Variants in PCDHA6 observed in about 807,000 individuals in gnomAD.
PCDHA6 encodes protocadherin alpha-6.
A neutral mutation model predicts 60.3 loss-of-function variants in PCDHA6; 55 were observed. The observed-to-expected ratio is 0.91, with a 90% CI of 0.73 to 1.14. The LOEUF (loss-of-function observed/expected upper bound fraction) is 1.14, where lower values mean the gene tolerates loss of function less well. Ranked by LOEUF, PCDHA6 falls within the 50% of genes most tolerant of loss-of-function variation. PCDHA6 has a pLI of 0.00. For synonymous variants in PCDHA6, 652 were observed against 557.9 expected, an observed-to-expected ratio of 1.17 and a Z score of -2.38; for missense variants, 1,327 against 1,256.5, an observed-to-expected ratio of 1.06 and a Z score of -0.85.
At chr5:140,969,152 T>C in intron 1 of PCDHA6, 1 of 1,614,002 alleles carries the variant, frequency 6.2e-7, no homozygotes, top group East Asian at 2.2e-5. Flanking sequence ...CTACAAGGCC[T>C]GTCTGACAGC....
chr5:140,981,744 G>C (rs1586900543), intron 2 of PCDHA6, among the ~76,000 whole-genome samples: 1 of 151,900 alleles, frequency 6.6e-6, no homozygotes, highest in Admixed American at 6.6e-5. Context: ...ATTAATATGA[G>C]TTAGTATTAG....
chr5:140,834,630 A>G (rs2150223003), intron 1 of PCDHA6: 2 of 1,614,158 alleles, frequency 1.2e-6, no homozygotes, highest in Non-Finnish European at 8.5e-7. Context: ...GCAGAATGGC[A>G]TTTTGTTTGT....
intron 1 of PCDHA6, among the ~76,000 whole-genome samples, chr5:140,915,642 C>CTCTG (rs1236956905): frequency 1.3e-5 from 2 of 152,012 alleles, no homozygotes; most frequent in African/African-American, 2.4e-5. Context: ...CTCTCTCTCT[C>CTCTG]TCTCTCTCTC....
At chr5:140,863,021 T>A (rs1228071790) in intron 1 of PCDHA6, 1 of 554,192 alleles carries the variant, frequency 1.8e-6, no homozygotes, top group Non-Finnish European at 3.5e-6. Flanking sequence ...CGCCTGGTTG[T>A]CGCAACAGCT....
chr5:140,966,341 G>T, intron 1 of PCDHA6: 1 of 396,732 alleles, frequency 2.5e-6, no homozygotes, highest in Non-Finnish European at 4.4e-6. Context: ...CAGGTCCAGG[G>T]TGAAGGAGAT....
intron 1 of PCDHA6, among the ~76,000 whole-genome samples, chr5:140,946,349 G>A (rs1412325014): frequency 6.6e-6 from 1 of 151,910 alleles, no homozygotes; most frequent in Non-Finnish European, 1.5e-5. Flanking sequence ...TGGAGAGGAT[G>A]TGGAGAAAAG....
At chr5:140,861,646 T>C in intron 1 of PCDHA6, 1 of 291,698 alleles carries the variant, frequency 3.4e-6, no homozygotes, top group Non-Finnish European at 6.9e-6. Context: ...CAAAAGAATC[T>C]GTTTCTGAAA....
At chr5:140,952,698 C>G (rs1020795237) in intron 1 of PCDHA6, among the ~76,000 whole-genome samples, 4 of 152,182 alleles carry the variant, frequency 2.6e-5, no homozygotes, top group Non-Finnish European at 4.4e-5. Context: ...ATAGCAATAT[C>G]CCACTCTCAG....
rs2150169755 is a variant in PCDHA6, at chr5:140,829,543, G to T, written c.1452G>T (p.Ala484=). The T allele has an allele frequency of 1.2e-6, 2 of 1,612,982 alleles. No individual in the cohort carries two copies. The highest frequency in any genetic ancestry group is 1.3e-5 in the African/African-American group (1 of 75,042). ...CGGTGTCTGCGCGAGACGCGGACGC[G>T]CAGGAGAACGCGCTGGTGTCCTACT... is the stretch of plus-strand genomic sequence containing the variant. ...IFTVSARDAD[A]QENALVSYSL... The change falls in exon 1 of 4, where the codon GCG becomes GCT. Residue 484 remains alanine, a synonymous_variant. Coordinates refer to ENST00000529310, the MANE Select transcript of PCDHA6 (RefSeq NM_018909.4).
intron 1 of PCDHA6, among the ~76,000 whole-genome samples, chr5:140,881,723 A>G (rs2058808704): frequency 6.6e-6 from 1 of 152,172 alleles, no homozygotes; most frequent in South Asian, 2.1e-4. Flanking sequence ...GGAGGTCTTG[A>G]AAAATATTAC....
chr5:140,906,456 G>T (rs527287837), intron 1 of PCDHA6, among the ~76,000 whole-genome samples: 1 of 152,278 alleles, frequency 6.6e-6, no homozygotes, highest in African/African-American at 2.4e-5. Context: ...ATAAAATGAA[G>T]ATATTTTCTT....
intron 1 of PCDHA6, among the ~76,000 whole-genome samples, chr5:140,959,972 AAAG>A (rs1460302752): frequency 2.0e-5 from 3 of 152,328 alleles, no homozygotes; most frequent in South Asian, 4.1e-4. Flanking sequence ...GATGTTACTG[AAAG>A]AAGAAGTTGG....
At position 140,830,205 on chromosome 5, in the gene PCDHA6, G is replaced by C. The variant is rs1770893475; in HGVS notation, c.2114G>C (p.Cys705Ser). The change falls in exon 1 of 4, where the codon TGC (cysteine) becomes TCC (serine). Residue 705 changes from cysteine to serine, a missense_variant. Coordinates refer to ENST00000529310, the MANE Select transcript of PCDHA6 (RefSeq NM_018909.4). Reference sequence around the variant, plus strand: ...AACGTGTACCTGATCATCGCCATCTGCGCGGTATCCAGCCTGCTGGTCCTC... The same window carrying C: ...AACGTGTACCTGATCATCGCCATCTCCGCGGTATCCAGCCTGCTGGTCCTC... ...DVNVYLIIAICAVSSLLVLTL... is the reference protein window; with the variant it reads ...DVNVYLIIAISAVSSLLVLTL... 6.2e-7 allele frequency: 1 copy of C among 1,613,662 alleles called. No homozygotes were observed. Among genetic ancestry groups the C allele is most frequent in the Non-Finnish European group, 8.5e-7 (1 of 1,179,906 alleles).
At chr5:140,843,944 A>G in intron 1 of PCDHA6, 2 of 570,390 alleles carry the variant, frequency 3.5e-6, no homozygotes, top group Non-Finnish European at 6.2e-6. Flanking sequence ...GTTGGATGAT[A>G]TCCATTTTTT....
intron 1 of PCDHA6, chr5:140,852,486 C>A: frequency 4.8e-6 from 1 of 209,724 alleles, no homozygotes; most frequent in Non-Finnish European, 9.1e-6. Flanking sequence ...TCATGTTGGC[C>A]AGGTTGGTCT....
At chr5:140,851,764 C>T (rs1282695804) in intron 1 of PCDHA6, 1 of 969,228 alleles carries the variant, frequency 1.0e-6, no homozygotes, top group Non-Finnish European at 1.2e-6. Context: ...AAAACATTAC[C>T]CTTATGAATT....
chr5:141,004,124 C>T (rs1225012224), intron 3 of PCDHA6, among the ~76,000 whole-genome samples: 1 of 152,202 alleles, frequency 6.6e-6, no homozygotes, highest in Non-Finnish European at 1.5e-5. Context: ...GGAGTATCTC[C>T]ATGATTCTGC....
At chr5:140,897,187 TA>T (rs1554187233) in intron 1 of PCDHA6, among the ~76,000 whole-genome samples, 7 of 152,166 alleles carry the variant, frequency 4.6e-5, no homozygotes, top group Non-Finnish European at 1.0e-4. Context: ...TCAAAAAATA[TA>T]TTTTTTTATT....
In PCDHA6 at chr5:140,830,459, G is replaced by T. The variant is rs1554132838; in HGVS notation, c.2368G>T (p.Asp790Tyr). 6 of 1,580,018 alleles carry T rather than the reference G, an allele frequency of 3.8e-6. No individual in the cohort carries two copies. The highest frequency in any genetic ancestry group is 5.2e-6 in the Non-Finnish European group (6 of 1,160,682). Residue 790 changes from aspartate to tyrosine, a missense_variant, in exon 1 of 4, where the codon GAT becomes TAT. Transcript: ENST00000529310. ...PIMMGKAENQ[D>Y]LNEDHDAKPR... The stretch of plus-strand genomic sequence containing the variant: ...TATGATGGGTAAGGCGGAGAATCAG[G>T]ATTTAAATGAAGATCATGATGCCAA...
Sources: gnomAD v4.1 joint callset for allele counts (sites outside exome capture counted in the v4.1 genomes callset) on GRCh38, gnomAD v4.1.1 for gene constraint, MANE v1.5 for transcripts, NCBI Gene and HGNC (gene_info 2026-07-23, HGNC 2026-07-21) for gene names.